GALNT13: variants seen among roughly 807,000 people sequenced by gnomAD.
GALNT13 encodes polypeptide N-acetylgalactosaminyltransferase 13, also known as UDP-GalNAc:polypeptide N-acetylgalactosaminyltransferase 13.
GALNT13 carries 28 observed loss-of-function variants against 64.2 expected under a neutral mutation model. The observed-to-expected ratio is 0.44, with a 90% CI of 0.32 to 0.60. GALNT13 has a LOEUF of 0.60. Among genes scored for constraint, GALNT13 ranks in the 20% least tolerant of loss-of-function variants. GALNT13 has a pLI of 0.05. For synonymous variants in GALNT13, 214 were observed against 224.6 expected, an observed-to-expected ratio of 0.95 and a Z score of 0.42; for missense variants, 577 against 669.8, an observed-to-expected ratio of 0.86 and a Z score of 1.53.
chr2:153,991,894 A>T (rs1232233824), intron 3 of GALNT13, among the ~76,000 whole-genome samples: 2 of 152,148 alleles, frequency 1.3e-5, no homozygotes, highest in East Asian at 3.9e-4. Context: ...TCATCTGATG[A>T]TCACTCCTAT....
At chr2:153,208,406 A>G in the GALNT13 span, among the ~76,000 whole-genome samples, 1 of 152,088 alleles carries the variant, frequency 6.6e-6, no homozygotes, top group Non-Finnish European at 1.5e-5. Context: ...AACTTAGAGT[A>G]TTTTTGTTGC....
chr2:153,247,707 CTA>C, the GALNT13 span, among the ~76,000 whole-genome samples: 126,576 of 151,646 alleles, frequency 0.83, 54,040 homozygotes, highest in African/African-American at 0.93. Context: ...CAAGAAGTAA[CTA>C]AGATCAGAGC....
At chr2:153,689,934 T>C in the GALNT13 span, among the ~76,000 whole-genome samples, 1 of 152,110 alleles carries the variant, frequency 6.6e-6, no homozygotes, top group Admixed American at 6.6e-5. Flanking sequence ...CTCTCTTTTG[T>C]TGTCGCTGTA....
At chr2:154,339,213 A>G (rs1194746236) in intron 9 of GALNT13, among the ~76,000 whole-genome samples, 1 of 152,106 alleles carries the variant, frequency 6.6e-6, no homozygotes, top group Non-Finnish European at 1.5e-5. Flanking sequence ...AAAATATTTC[A>G]AAACCAAGAG....
At chr2:154,414,107 C>G (rs1437534691) in intron 11 of GALNT13, among the ~76,000 whole-genome samples, 1 of 151,990 alleles carries the variant, frequency 6.6e-6, no homozygotes, top group African/African-American at 2.4e-5. Flanking sequence ...ATCTGGTGAT[C>G]ACTAATATTT....
the GALNT13 span, chr2:153,371,084 T>G: frequency 1.0e-5 from 2 of 195,344 alleles, no homozygotes; most frequent in African/African-American, 4.6e-5. Flanking sequence ...TCCAGCTGGT[T>G]GATTCTAAAT....
intron 4 of GALNT13, among the ~76,000 whole-genome samples, chr2:154,177,342 T>G (rs1174814178): frequency 6.7e-6 from 1 of 150,042 alleles, no homozygotes; most frequent in African/African-American, 2.5e-5. Flanking sequence ...GTTTCAACTA[T>G]ATGACATTGT....
intron 3 of GALNT13, among the ~76,000 whole-genome samples, chr2:154,067,369 C>T (rs1038158524): frequency 3.9e-5 from 6 of 151,944 alleles, no homozygotes; most frequent in Non-Finnish European, 8.8e-5. Context: ...AAAAATGACC[C>T]AACAATCTGT....
the GALNT13 span, among the ~76,000 whole-genome samples, chr2:153,641,169 T>A: frequency 6.6e-6 from 1 of 152,094 alleles, no homozygotes; most frequent in Non-Finnish European, 1.5e-5. Flanking sequence ...CCTTTAAATC[T>A]CTCCTTAATT....
At chr2:153,352,008 A>T in the GALNT13 span, among the ~76,000 whole-genome samples, 1 of 152,182 alleles carries the variant, frequency 6.6e-6, no homozygotes, top group Admixed American at 6.5e-5. Flanking sequence ...TGATAAGAGT[A>T]TGTTTAGTTT....
At chr2:153,599,208 T>A in the GALNT13 span, among the ~76,000 whole-genome samples, 3 of 152,044 alleles carry the variant, frequency 2.0e-5, no homozygotes, top group Non-Finnish European at 4.4e-5. Context: ...ATCCATTATC[T>A]TAAATTAATT....
At chr2:154,287,294 G>T in intron 8 of GALNT13, 1 of 691,390 alleles carries the variant, frequency 1.4e-6, no homozygotes, top group Non-Finnish European at 2.6e-6. Flanking sequence ...CAACTCACTG[G>T]CCATGGCGGG....
At chr2:153,146,668 T>C in the GALNT13 span, among the ~76,000 whole-genome samples, 2 of 151,880 alleles carry the variant, frequency 1.3e-5, no homozygotes, top group Non-Finnish European at 2.9e-5. Flanking sequence ...GAGAGGCTTG[T>C]ATCAGGGTTT....
chr2:153,141,234 C>G, the GALNT13 span, among the ~76,000 whole-genome samples: 8 of 151,814 alleles, frequency 5.3e-5, no homozygotes, highest in African/African-American at 1.9e-4. Context: ...GAATAATATT[C>G]CATAGTATGG....
chr2:153,910,777 G>A (rs922143218), intron 2 of GALNT13, among the ~76,000 whole-genome samples: 1 of 152,104 alleles, frequency 6.6e-6, no homozygotes, highest in Admixed American at 6.6e-5. Flanking sequence ...TTTGTGTGCT[G>A]TTGTCTGAGA....
the GALNT13 span, among the ~76,000 whole-genome samples, chr2:153,107,106 TTGG>T: frequency 6.6e-6 from 1 of 152,192 alleles, no homozygotes; most frequent in African/African-American, 2.4e-5. Flanking sequence ...TTTGGGCAAC[TTGG>T]TGGCCTTGCA....
intron 12 of GALNT13, among the ~76,000 whole-genome samples, chr2:154,443,942 G>A (rs1701434084): frequency 6.6e-6 from 1 of 151,970 alleles, no homozygotes; most frequent in Admixed American, 6.6e-5. Context: ...ACTATCTTAG[G>A]GTTTAGATGA....
chr2:153,621,551 G>C, the GALNT13 span, among the ~76,000 whole-genome samples: 1 of 152,212 alleles, frequency 6.6e-6, no homozygotes, highest in African/African-American at 2.4e-5. Flanking sequence ...ATGTTCCCCA[G>C]GCCCTGGATG....
chr2:153,688,991 GGTGTGTGTGTGTGTGT>G, the GALNT13 span, among the ~76,000 whole-genome samples: 45 of 130,222 alleles, frequency 3.5e-4, no homozygotes, highest in African/African-American at 5.1e-4. Context: ...TAGAGGTAGG[GGTGTGTGTGTGTGTGT>G]GTGTGTGTGT....
Sources: gnomAD v4.1 joint callset for allele counts (sites outside exome capture counted in the v4.1 genomes callset) on GRCh38, gnomAD v4.1.1 for gene constraint, MANE v1.5 for transcripts, NCBI Gene and HGNC (gene_info 2026-07-23, HGNC 2026-07-21) for gene names.